Variants in OSBPL9 observed in about 807,000 individuals in gnomAD.
OSBPL9 encodes the protein oxysterol binding protein like 9.
A neutral mutation model predicts 106.6 loss-of-function variants in OSBPL9; 40 were observed. The observed-to-expected ratio is 0.38, with a 90% CI of 0.29 to 0.49. OSBPL9 has a LOEUF of 0.49. Ranked by LOEUF, OSBPL9 falls within the 20% of genes least tolerant of loss-of-function variation. The probability of loss-of-function intolerance (pLI) is 0.97; values close to 1 mark genes in which losing one functional copy is unlikely to be tolerated. For missense variants in OSBPL9, 609 were observed against 887.2 expected, an observed-to-expected ratio of 0.69 and a Z score of 3.98; for synonymous variants, 269 against 295.4, an observed-to-expected ratio of 0.91 and a Z score of 0.92.
chr1:51,771,997 CTG>C, intron 12 of OSBPL9, 71 bp from the exon 13 acceptor site: 4 of 1,082,154 alleles, frequency 3.7e-6, no homozygotes, highest in Non-Finnish European at 5.4e-6. Flanking sequence ...AACCAGCTAA[CTG>C]TACGAGTCTA....
chr1:51,730,411 G>C (rs1297658489), intron 4 of OSBPL9, among the ~76,000 whole-genome samples: 1 of 152,210 alleles, frequency 6.6e-6, no homozygotes, highest in East Asian at 1.9e-4. Context: ...TCCAGTTGCA[G>C]GCCAAGTGTT....
rs548049779 is a variant in OSBPL9 at position 51,788,752 on chromosome 1, C to T, written c.*963C>T. 4.9e-4 allele frequency among the ~76,000 whole-genome samples: 75 copies of T among 151,554 alleles called. No individual in the cohort carries two copies. The highest frequency in any genetic ancestry group is 1.8e-3 in the African/African-American group (72 of 41,066). On this transcript the variant is annotated 3_prime_UTR_variant, in exon 24 of 24. Coordinates refer to ENST00000428468, the MANE Select transcript of OSBPL9 (RefSeq NM_024586.6). ...GAGTGTGTATTTATAGATCCCCACCCCACAGTGAACAAAAATAGATAGATA... is the reference window on the plus strand; with the variant it reads ...GAGTGTGTATTTATAGATCCCCACCTCACAGTGAACAAAAATAGATAGATA...
intron 1 of OSBPL9, among the ~76,000 whole-genome samples, chr1:51,595,790 C>G (rs1645296500): frequency 6.6e-6 from 1 of 152,118 alleles, no homozygotes; most frequent in African/African-American, 2.4e-5. Flanking sequence ...TTAATCCTCA[C>G]ACTAGTGTGA....
At chr1:51,628,059 T>A (rs1445640506) in intron 1 of OSBPL9, among the ~76,000 whole-genome samples, 1 of 103,446 alleles carries the variant, frequency 9.7e-6, no homozygotes, top group African/African-American at 4.2e-5. Flanking sequence ...CTACTCTCAA[T>A]TTTTTTTTTT....
At chr1:51,641,693 G>A (rs887359562) in intron 1 of OSBPL9, among the ~76,000 whole-genome samples, 1 of 152,074 alleles carries the variant, frequency 6.6e-6, no homozygotes, top group South Asian at 2.1e-4. Flanking sequence ...TTCTAGCAGG[G>A]CCTTACAAAT....
chr1:51,546,403 T>C, the OSBPL9 span, among the ~76,000 whole-genome samples: 2 of 151,878 alleles, frequency 1.3e-5, no homozygotes, highest in Non-Finnish European at 2.9e-5. Context: ...AATAACTAGA[T>C]AAAAGACAAC....
At position 51,753,173 on chromosome 1, in the gene OSBPL9, G is replaced by T. The variant is rs557486438; in HGVS notation, c.543+2978G>T. On this transcript the variant is annotated intron_variant, in intron 8 of 23. Transcript: ENST00000428468. ...ATTTAATCAGTTAATCTATGATTAA[G>T]ATAAAAGATTTTAAAATAATAACAA... Among the ~76,000 whole-genome samples the T allele has an allele frequency of 4.6e-5, 7 of 152,252 alleles. No individual in the cohort carries two copies. The South Asian group carries it at 6.2e-4, about 14-fold the overall frequency.
rs771066862 is a variant in OSBPL9 at position 51,781,257 on chromosome 1, C to G, written c.1350C>G (p.Ala450=). ...AFHAGRKGSV[A]KKPYNPILGE... ...ATGCGGGAAGGAAAGGATCAGTTGC[C>G]AAAAAGCCATACAATCCCATTTTGG... is the stretch of plus-strand genomic sequence containing the variant. The change falls in exon 16 of 24, where the codon GCC becomes GCG. Residue 450 remains alanine, a synonymous_variant. Transcript: ENST00000428468. The G allele has an allele frequency of 6.2e-7, 1 of 1,614,092 alleles. No homozygotes were observed. Among genetic ancestry groups the G allele is most frequent in the Non-Finnish European group, 8.5e-7 (1 of 1,180,000 alleles).
the OSBPL9 span, among the ~76,000 whole-genome samples, chr1:51,538,326 C>T: frequency 6.6e-6 from 1 of 152,116 alleles, no homozygotes; most frequent in Admixed American, 6.6e-5. Flanking sequence ...ACAAGATAGA[C>T]ACAAAATAGA....
chr1:51,721,224 G>C (rs1662073348), intron 4 of OSBPL9, among the ~76,000 whole-genome samples: 1 of 151,132 alleles, frequency 6.6e-6, no homozygotes, highest in African/African-American at 2.4e-5. Flanking sequence ...AAGGTTATAA[G>C]AGTATACAAG....
intron 11 of OSBPL9, 105 bp downstream of exon 11, chr1:51,762,076 A>G (rs1160107778): frequency 2.6e-6 from 2 of 769,718 alleles, no homozygotes; most frequent in East Asian, 2.6e-5. Context: ...TGTGTTGTAT[A>G]TTTTCTGTTG....
At chr1:51,717,445 C>G (rs1446580848) in intron 4 of OSBPL9, among the ~76,000 whole-genome samples, 1 of 152,206 alleles carries the variant, frequency 6.6e-6, no homozygotes, top group Non-Finnish European at 1.5e-5. Context: ...TTTATTCTCT[C>G]ATTTTGATCT....
the OSBPL9 span, among the ~76,000 whole-genome samples, chr1:51,523,434 C>T: frequency 6.6e-6 from 1 of 151,886 alleles, no homozygotes; most frequent in Non-Finnish European, 1.5e-5. Context: ...TGCATTATTT[C>T]ATTTATTCCT....
chr1:51,555,383 G>A, the OSBPL9 span, among the ~76,000 whole-genome samples: 2 of 151,634 alleles, frequency 1.3e-5, no homozygotes, highest in Admixed American at 6.6e-5. Context: ...CCAGCTACTC[G>A]GGAGGCTGAG....
upstream of OSBPL9, among the ~76,000 whole-genome samples, chr1:51,572,254 CA>C (rs374218665): frequency 6.4e-3 from 982 of 152,276 alleles, 16 homozygotes; most frequent in African/African-American, 0.022. Flanking sequence ...ACTTAGCGGA[CA>C]AAAGCTTTCT....
intron 4 of OSBPL9, among the ~76,000 whole-genome samples, chr1:51,733,267 A>G (rs75818502): frequency 1.9e-3 from 285 of 152,286 alleles, no homozygotes; most frequent in African/African-American, 6.8e-3. Flanking sequence ...CTTTGTCCCT[A>G]GTTTAGTGCA....
intron 1 of OSBPL9, among the ~76,000 whole-genome samples, chr1:51,589,927 G>C (rs1645265509): frequency 6.6e-6 from 1 of 151,796 alleles, no homozygotes; most frequent in East Asian, 1.9e-4. Context: ...CACCTACTTG[G>C]GAGGCTGAGG....
chr1:51,541,141 T>C, the OSBPL9 span, among the ~76,000 whole-genome samples: 1 of 152,020 alleles, frequency 6.6e-6, no homozygotes, highest in South Asian at 2.1e-4. Context: ...AAAAAAAAAT[T>C]GTAATTATTT....
chr1:51,610,806 G>T (rs918663473), intron 2 of OSBPL9, among the ~76,000 whole-genome samples: 1 of 152,212 alleles, frequency 6.6e-6, no homozygotes, highest in African/African-American at 2.4e-5. Context: ...GATTGCCTGC[G>T]GCTTTGTGTT....
Sources: allele counts gnomAD v4.1 joint callset (sites outside exome capture counted in the v4.1 genomes callset), GRCh38; gene constraint gnomAD v4.1.1; transcripts MANE v1.5; gene names NCBI Gene and HGNC (gene_info 2026-07-23, HGNC 2026-07-21).